SCFD2: variants seen among roughly 807,000 people sequenced by gnomAD.
SCFD2 encodes sec1 family domain containing 2.
Under a neutral mutation model 58.9 loss-of-function variants are expected in SCFD2, and 54 were observed. The ratio of observed to expected loss-of-function variants is 0.92; its 90% CI spans 0.74 to 1.15. The LOEUF is 1.15. Ranked by LOEUF, SCFD2 falls within the 50% of genes most tolerant of loss-of-function variation. SCFD2 has a pLI of 0.00. For synonymous variants in SCFD2, 321 were observed against 335.9 expected, an observed-to-expected ratio of 0.96 and a Z score of 0.49; for missense variants, 805 against 836.6, an observed-to-expected ratio of 0.96 and a Z score of 0.47.
chr4:53,332,320 T>C (rs1488568347), intron 2 of SCFD2, among the ~76,000 whole-genome samples: 3 of 151,670 alleles, frequency 2.0e-5, no homozygotes, highest in Non-Finnish European at 2.9e-5. Context: ...ACCAATAGCC[T>C]TGATGAACAT....
intron 4 of SCFD2, among the ~76,000 whole-genome samples, chr4:53,267,648 A>C (rs910469104): frequency 1.3e-5 from 2 of 152,158 alleles, no homozygotes; most frequent in Admixed American, 6.5e-5. Flanking sequence ...GTGGCTATTC[A>C]CAGGCCACTG....
At chr4:53,316,705 A>C (rs1732875130) in intron 2 of SCFD2, among the ~76,000 whole-genome samples, 1 of 152,198 alleles carries the variant, frequency 6.6e-6, no homozygotes, top group South Asian at 2.1e-4. Flanking sequence ...TGAAGCTTGT[A>C]CTATCTGGCT....
chr4:53,294,186 A>T (rs747595697), intron 3 of SCFD2, among the ~76,000 whole-genome samples: 1 of 152,132 alleles, frequency 6.6e-6, no homozygotes, highest in Non-Finnish European at 1.5e-5. Context: ...GTCAAATGGT[A>T]TTTCTAGTTC....
chr4:52,946,169 A>G (rs1268455787), intron 5 of SCFD2, among the ~76,000 whole-genome samples: 19 of 152,174 alleles, frequency 1.2e-4, no homozygotes, highest in Admixed American at 1.2e-3. Context: ...GGTACTAGGG[A>G]TCTGCATTTT....
At chr4:52,997,483 G>T (rs1560505479) in intron 5 of SCFD2, among the ~76,000 whole-genome samples, 1 of 152,328 alleles carries the variant, frequency 6.6e-6, no homozygotes, top group East Asian at 1.9e-4. Flanking sequence ...CCTACTTGTG[G>T]GGGGCCCACT....
At chr4:53,295,475 G>T (rs1157116776) in intron 3 of SCFD2, among the ~76,000 whole-genome samples, 1 of 152,156 alleles carries the variant, frequency 6.6e-6, no homozygotes, top group African/African-American at 2.4e-5. Flanking sequence ...TGTGATTTTT[G>T]CAGATTGACT....
At chr4:53,044,780 T>C (rs1398430544) in intron 5 of SCFD2, among the ~76,000 whole-genome samples, 1 of 151,990 alleles carries the variant, frequency 6.6e-6, no homozygotes, top group Admixed American at 6.6e-5. Flanking sequence ...ACACATAATC[T>C]GTCTCCATCT....
chr4:53,063,113 T>C (rs1723560850), intron 5 of SCFD2, among the ~76,000 whole-genome samples: 1 of 152,132 alleles, frequency 6.6e-6, no homozygotes, highest in Non-Finnish European at 1.5e-5. Flanking sequence ...CATACAAAAA[T>C]AGGAGCTTAG....
intron 5 of SCFD2, among the ~76,000 whole-genome samples, chr4:52,961,274 T>C (rs1437690642): frequency 6.6e-6 from 1 of 152,096 alleles, no homozygotes; most frequent in African/African-American, 2.4e-5. Context: ...GTTCTCCTTT[T>C]TGGGGGGCTG....
intron 4 of SCFD2, among the ~76,000 whole-genome samples, chr4:53,166,477 T>C (rs996330436): frequency 7.2e-5 from 11 of 152,124 alleles, no homozygotes; most frequent in African/African-American, 2.2e-4. Flanking sequence ...GTGTTTGAAA[T>C]GGACCTGCCT....
chr4:53,177,356 G>A (rs1350477303), intron 4 of SCFD2, among the ~76,000 whole-genome samples: 1 of 152,198 alleles, frequency 6.6e-6, no homozygotes. Flanking sequence ...CATCCTGGAG[G>A]AAGTAAAGAC....
intron 4 of SCFD2, among the ~76,000 whole-genome samples, chr4:53,168,384 G>T (rs1727078011): frequency 6.6e-6 from 1 of 152,080 alleles, no homozygotes; most frequent in Admixed American, 6.5e-5. Context: ...AAGTACCAAA[G>T]ATTATTCTTC....
chr4:52,899,212 T>C (rs1456647631), intron 7 of SCFD2, among the ~76,000 whole-genome samples: 2 of 152,240 alleles, frequency 1.3e-5, no homozygotes, highest in African/African-American at 2.4e-5. Flanking sequence ...CTGGTTATTT[T>C]GCTCTTTAGT....
chr4:53,000,145 GTGCTTTCACAGGGTAC>G (rs1721831508), intron 5 of SCFD2, among the ~76,000 whole-genome samples: 1 of 152,206 alleles, frequency 6.6e-6, no homozygotes, highest in Admixed American at 6.5e-5. Flanking sequence ...GCAAACTCAA[GTGCTTTCACAGGGTAC>G]TGCCTTTGCT....
chr4:53,080,283 T>C (rs1283093530), intron 5 of SCFD2, among the ~76,000 whole-genome samples: 1 of 152,196 alleles, frequency 6.6e-6, no homozygotes, highest in Non-Finnish European at 1.5e-5. Context: ...GGTTTAATAA[T>C]GTCTTTCCAA....
intron 4 of SCFD2, among the ~76,000 whole-genome samples, chr4:53,185,352 AT>A (rs1374062403): frequency 6.6e-6 from 1 of 152,104 alleles, no homozygotes; most frequent in Admixed American, 6.6e-5. Flanking sequence ...GGAAACTAAC[AT>A]TTTAGATATA....
intron 3 of SCFD2, among the ~76,000 whole-genome samples, chr4:53,296,256 C>T (rs1732026960): frequency 1.3e-5 from 2 of 152,134 alleles, no homozygotes; most frequent in African/African-American, 4.8e-5. Context: ...GGCTATGAAT[C>T]TCTCTGGTCC....
chr4:52,986,193 G>C (rs73144982), intron 5 of SCFD2, among the ~76,000 whole-genome samples: 1 of 147,858 alleles, frequency 6.8e-6, no homozygotes, highest in African/African-American at 2.5e-5. Context: ...CCCTCTGCCC[G>C]TTCCCTGAGC....
chr4:52,940,053 A>G (rs1720251324), intron 5 of SCFD2, among the ~76,000 whole-genome samples: 1 of 152,246 alleles, frequency 6.6e-6, no homozygotes, highest in Non-Finnish European at 1.5e-5. Context: ...CCAACTCAGG[A>G]GGACAGAAGG....
Sources: gnomAD v4.1 joint callset for allele counts (sites outside exome capture counted in the v4.1 genomes callset) on GRCh38, gnomAD v4.1.1 for gene constraint, MANE v1.5 for transcripts, NCBI Gene and HGNC (gene_info 2026-07-23, HGNC 2026-07-21) for gene names.